KATNA1: variants seen among roughly 807,000 people sequenced by gnomAD.
KATNA1 encodes the protein katanin p60 ATPase-containing subunit A1.
KATNA1 carries 42 observed loss-of-function variants against 62.6 expected under a neutral mutation model. The observed-to-expected ratio is 0.67, with a 90% confidence interval of 0.52 to 0.87. KATNA1 has a LOEUF of 0.87. KATNA1 is among the 40% of genes least tolerant of loss of function. The probability of loss-of-function intolerance (pLI) is 0.00; values close to 1 mark genes in which losing one functional copy is unlikely to be tolerated. For missense variants in KATNA1, 498 were observed against 612.5 expected, an observed-to-expected ratio of 0.81 and a Z score of 1.97; for synonymous variants, 186 against 201.9, an observed-to-expected ratio of 0.92 and a Z score of 0.67.
chr6:149,640,406 C>T (rs781487571), intron 1 of KATNA1, among the ~76,000 whole-genome samples: 54 of 151,520 alleles, frequency 3.6e-4, no homozygotes, highest in Non-Finnish European at 4.4e-4. Flanking sequence ...TGCAGTAAGC[C>T]GAGATAGTGC....
At chr6:149,625,325 G>A (rs1045712357) in intron 3 of KATNA1, among the ~76,000 whole-genome samples, 1 of 152,178 alleles carries the variant, frequency 6.6e-6, no homozygotes, top group Admixed American at 6.6e-5. Flanking sequence ...AAGAGTCTCA[G>A]AGACACTCTA....
intron 4 of KATNA1, among the ~76,000 whole-genome samples, chr6:149,618,200 G>T (rs1278348583): frequency 2.7e-5 from 4 of 149,506 alleles, no homozygotes; most frequent in African/African-American, 9.8e-5. Context: ...AAAATTGGTT[G>T]GGCACAGTGG....
chr6:149,644,271 C>T (rs761602048), intron 1 of KATNA1, among the ~76,000 whole-genome samples: 3 of 151,982 alleles, frequency 2.0e-5, no homozygotes, highest in Non-Finnish European at 4.4e-5. Flanking sequence ...AAGCCTCTCT[C>T]CCTCTTTTCC....
At chr6:149,609,571 G>A (rs1483165325) in intron 4 of KATNA1, among the ~76,000 whole-genome samples, 1 of 151,832 alleles carries the variant, frequency 6.6e-6, no homozygotes, top group African/African-American at 2.4e-5. Flanking sequence ...TTGGGAGGCC[G>A]AGGTGGGTGG....
rs187178097 is a variant in KATNA1, at chr6:149,638,741, T to G, written c.-13-181A>C. On this transcript the variant is annotated intron_variant, in intron 1 of 10. Coordinates refer to ENST00000367411, the MANE Select transcript of KATNA1 (RefSeq NM_007044.4). ...TTAAAAAAAACATTGTTTTTTTTTT[T>G]TTTTTTTTTTTTTGAGACGGAGTCT... The G allele has an allele frequency of 9.1e-3, 4,010 of 438,284 alleles. 169 individuals are homozygous for G. The highest frequency in any genetic ancestry group is 0.079 in the African/African-American group (3,607 of 45,406). The allele number at this position is 438,284 out of a possible 1,614,324, so 27.1% of individuals were successfully genotyped here.
At chr6:149,621,020 AG>A (rs1458158716) in intron 4 of KATNA1, among the ~76,000 whole-genome samples, 1 of 152,148 alleles carries the variant, frequency 6.6e-6, no homozygotes, top group Non-Finnish European at 1.5e-5. Context: ...AATTATTACA[AG>A]GGTCAAATGG....
At chr6:149,595,499 T>TA (rs1192099321) in intron 10 of KATNA1, among the ~76,000 whole-genome samples, 1 of 152,186 alleles carries the variant, frequency 6.6e-6, no homozygotes, top group Admixed American at 6.5e-5. Context: ...AAAGTGGGGT[T>TA]AAAGCTAGCA....
At chr6:149,614,035 C>T (rs970705172) in intron 4 of KATNA1, among the ~76,000 whole-genome samples, 1 of 152,188 alleles carries the variant, frequency 6.6e-6, no homozygotes, top group Non-Finnish European at 1.5e-5. Flanking sequence ...GACTTCCTAA[C>T]CTCCAGAACT....
intron 4 of KATNA1, among the ~76,000 whole-genome samples, chr6:149,622,093 A>G (rs1309735955): frequency 6.6e-6 from 1 of 151,848 alleles, no homozygotes; most frequent in Non-Finnish European, 1.5e-5. Flanking sequence ...GTACTATAAC[A>G]ATGTAAAATT....
At chr6:149,619,892 T>C (rs1428256208) in intron 4 of KATNA1, among the ~76,000 whole-genome samples, 7 of 152,132 alleles carry the variant, frequency 4.6e-5, no homozygotes, top group Non-Finnish European at 7.3e-5. Context: ...CTATTCACAA[T>C]AGCCAAGACA....
At chr6:149,636,380 T>G (rs749881968) in intron 2 of KATNA1, among the ~76,000 whole-genome samples, 27 of 151,886 alleles carry the variant, frequency 1.8e-4, no homozygotes, top group Non-Finnish European at 2.9e-4. Context: ...AAGACCAGCC[T>G]GAACAACATA....
At chr6:149,626,522 T>A (rs1779616848) in intron 3 of KATNA1, among the ~76,000 whole-genome samples, 1 of 148,948 alleles carries the variant, frequency 6.7e-6, no homozygotes, top group Non-Finnish European at 1.5e-5. Context: ...GACCTCGTGA[T>A]CCGCCCGCCT....
intron 3 of KATNA1, 24 bp from the exon 4 acceptor site, chr6:149,623,307 TATC>T: frequency 6.5e-7 from 1 of 1,546,518 alleles, no homozygotes; most frequent in Non-Finnish European, 8.7e-7. Flanking sequence ...AACTCATTAA[TATC>T]ATAATCAACT....
At chr6:149,641,156 C>G (rs1168162040) in intron 1 of KATNA1, among the ~76,000 whole-genome samples, 1 of 150,370 alleles carries the variant, frequency 6.7e-6, no homozygotes, top group Admixed American at 6.7e-5. Context: ...AGGTGTGAGC[C>G]ACCGCACCTG....
intron 3 of KATNA1, among the ~76,000 whole-genome samples, chr6:149,627,399 A>G (rs1779655753): frequency 6.6e-6 from 1 of 151,500 alleles, no homozygotes; most frequent in African/African-American, 2.4e-5. Context: ...AACCCTGTCT[A>G]CTAAAAATAC....
chr6:149,633,607 C>T (rs939994634), intron 2 of KATNA1, among the ~76,000 whole-genome samples: 2 of 151,844 alleles, frequency 1.3e-5, no homozygotes, highest in Non-Finnish European at 2.9e-5. Flanking sequence ...GGGGCAGGCA[C>T]CTACAGGCCC....
Position 149,623,165 on chromosome 6 carries a change from C to T in KATNA1, c.439G>A (p.Asp147Asn). 3 of 1,613,124 alleles carry T rather than the reference C, an allele frequency of 1.9e-6. No homozygotes were observed. The highest frequency in any genetic ancestry group is 2.2e-5 in the East Asian group (1 of 44,870). ...CGACAACGAACAGCTTTCCCTCTGT[C>T]ATTGTGAACATTCTGTGCAGATGAA... is the stretch of plus-strand genomic sequence containing the variant. Reference protein sequence around the residue: ...HRSSAQNVHNDRGKAVRCREK... With the variant: ...HRSSAQNVHNNRGKAVRCREK... Residue 147 changes from aspartate to asparagine, a missense_variant, in exon 4 of 11, where the codon GAC becomes AAC. Physicochemically the swap from Asp to Asn is conservative, Grantham distance 23. Transcript: ENST00000367411.
rs753734588 is a variant in KATNA1, at chr6:149,601,768, T to C, written c.730-16A>G. ...TCAGTACTCCCTGTTGCGAATATAATAGCCTCAGCAGAGGATTTATCTGCC... is the reference window on the plus strand; with the variant it reads ...TCAGTACTCCCTGTTGCGAATATAACAGCCTCAGCAGAGGATTTATCTGCC... On this transcript the variant is annotated splice_polypyrimidine_tract_variant and intron_variant, in intron 6 of 10. Coordinates refer to ENST00000367411, the MANE Select transcript of KATNA1 (RefSeq NM_007044.4). 14 of 1,547,816 alleles carry C rather than the reference T, an allele frequency of 9.0e-6. No homozygotes were observed. Among genetic ancestry groups the C allele is most frequent in the South Asian group, 1.2e-5 (1 of 80,400 alleles).
rs551242085 is a variant in KATNA1, at chr6:149,615,630, G to A, written c.501+7473C>T. ...CCATCAAAAGACAAACTGGCAGAAC[G>A]GACAAAAAACTGACAGGGTGTGCAC... On this transcript the variant is annotated intron_variant, in intron 4 of 10. Transcript: ENST00000367411. Among the ~76,000 whole-genome samples the A allele has an allele frequency of 1.4e-4, 21 of 152,086 alleles. No individual in the cohort carries two copies. In the South Asian group the frequency reaches 1.9e-3, roughly 14 times the overall value.
Sources: allele counts gnomAD v4.1 joint callset (sites outside exome capture counted in the v4.1 genomes callset), GRCh38; gene constraint gnomAD v4.1.1; transcripts MANE v1.5; gene names NCBI Gene and HGNC (gene_info 2026-07-23, HGNC 2026-07-21).